Variants in TIAM2 observed in about 807,000 individuals in gnomAD.
TIAM2 encodes rho guanine nucleotide exchange factor TIAM2.
A neutral mutation model predicts 152.9 loss-of-function variants in TIAM2; 80 were observed. The observed-to-expected ratio is 0.52, with a 90% CI of 0.44 to 0.63. The LOEUF (loss-of-function observed/expected upper bound fraction) is 0.63. Ranked by LOEUF, TIAM2 falls within the 30% of genes least tolerant of loss-of-function variation. TIAM2 has a pLI of 0.00. For missense variants in TIAM2, 1,965 were observed against 2,120.1 expected (o/e 0.93, Z 1.44); for synonymous variants, 804 against 838.0 (o/e 0.96, Z 0.70).
At chr6:155,031,429 A>G (rs1776818378) in intron 1 of TIAM2, among the ~76,000 whole-genome samples, 1 of 152,156 alleles carries the variant, frequency 6.6e-6, no homozygotes, top group Non-Finnish European at 1.5e-5. Flanking sequence ...TGTTTTGAAA[A>G]TGAAGAGATG....
At chr6:155,223,449 A>G (rs1302341531) in intron 15 of TIAM2, among the ~76,000 whole-genome samples, 1 of 151,512 alleles carries the variant, frequency 6.6e-6, no homozygotes, top group Non-Finnish European at 1.5e-5. Context: ...CAACCCCTAG[A>G]TGGCAAATAA....
intron 2 of TIAM2, among the ~76,000 whole-genome samples, chr6:155,115,270 C>T (rs1465893159): frequency 6.6e-6 from 1 of 151,862 alleles, no homozygotes. Flanking sequence ...CTGTATTGCC[C>T]AGGCTGGTCT....
intron 5 of TIAM2, among the ~76,000 whole-genome samples, chr6:155,142,416 T>A (rs1189530098): frequency 6.6e-6 from 1 of 152,220 alleles, no homozygotes; most frequent in African/African-American, 2.4e-5. Flanking sequence ...AGGTTTGCAT[T>A]CATTTCCTCT....
chr6:155,048,738 A>C (rs1453309689), intron 1 of TIAM2, among the ~76,000 whole-genome samples: 1 of 152,144 alleles, frequency 6.6e-6, no homozygotes, highest in African/African-American at 2.4e-5. Context: ...ATGGTGCAAC[A>C]AAGAAACAAA....
At chr6:155,221,788 T>C (rs116203189) in intron 15 of TIAM2, among the ~76,000 whole-genome samples, 1,729 of 152,212 alleles carry the variant, frequency 0.011, 33 homozygotes, top group African/African-American at 0.039. Flanking sequence ...TTTCCAGATC[T>C]TTATTTCCTT....
intron 1 of TIAM2, among the ~76,000 whole-genome samples, chr6:155,049,802 T>C (rs1371545341): frequency 6.6e-6 from 1 of 152,150 alleles, no homozygotes; most frequent in African/African-American, 2.4e-5. Context: ...GTATCTTTTT[T>C]TTTTCCAGAA....
intron 1 of TIAM2, among the ~76,000 whole-genome samples, chr6:155,014,451 T>G (rs1389629032): frequency 6.6e-6 from 1 of 152,220 alleles, no homozygotes; most frequent in African/African-American, 2.4e-5. Flanking sequence ...CGTAGTGCTT[T>G]TTTTTCTATT....
chr6:155,140,601 A>AGAGAGAGAGAGAGAGAGG (rs1184367569), intron 5 of TIAM2, among the ~76,000 whole-genome samples: 15 of 151,140 alleles, frequency 9.9e-5, no homozygotes, highest in Non-Finnish European at 8.8e-5. Flanking sequence ...AGAGAGAGAG[A>AGAGAGAGAGAGAGAGAGG]GAGAGAGAGA....
chr6:155,023,518 C>T (rs957908823), intron 1 of TIAM2, among the ~76,000 whole-genome samples: 4 of 152,084 alleles, frequency 2.6e-5, no homozygotes, highest in African/African-American at 9.7e-5. Context: ...CATGTCTGTG[C>T]GTTTGCTCTT....
chr6:155,206,711 T>TCTG (rs1474390838), intron 14 of TIAM2, among the ~76,000 whole-genome samples: 1 of 152,236 alleles, frequency 6.6e-6, no homozygotes, highest in Non-Finnish European at 1.5e-5. Context: ...ACATTGCAGC[T>TCTG]CTGCTGGCTC....
intron 14 of TIAM2, among the ~76,000 whole-genome samples, chr6:155,207,764 T>C (rs1316938154): frequency 1.3e-5 from 2 of 152,206 alleles, no homozygotes; most frequent in African/African-American, 4.8e-5. Context: ...CAGTATTCTC[T>C]TACCAGGTAC....
chr6:155,125,939 A>G (rs903373280), intron 2 of TIAM2, among the ~76,000 whole-genome samples: 3 of 152,236 alleles, frequency 2.0e-5, no homozygotes, highest in Admixed American at 2.0e-4. Context: ...TAAAAATAGA[A>G]TAACCTAATG....
rs545597464 is a variant in TIAM2, at chr6:155,169,088, C to T, written c.2361+3679C>T. Reference sequence around the variant, plus strand: ...TTGGCTCACTGCAAGCTTCGCCTCCCGGGTTCATGCCATTCTCCTGCCTCA... The same window carrying T: ...TTGGCTCACTGCAAGCTTCGCCTCCTGGGTTCATGCCATTCTCCTGCCTCA... On this transcript the variant is annotated intron_variant, in intron 9 of 26. Coordinates refer to ENST00000682666, the MANE Select transcript of TIAM2 (RefSeq NM_012454.4). 1.1e-4 allele frequency among the ~76,000 whole-genome samples: 17 copies of T among 152,264 alleles called. No individual in the cohort carries two copies. In the South Asian group the frequency reaches 1.5e-3, roughly 13 times the overall value.
intron 1 of TIAM2, among the ~76,000 whole-genome samples, chr6:155,052,581 C>G (rs769460022): frequency 6.6e-6 from 1 of 151,976 alleles, no homozygotes; most frequent in Non-Finnish European, 1.5e-5. Context: ...GCCTGGCCAA[C>G]ATGGTGAAAC....
intron 1 of TIAM2, among the ~76,000 whole-genome samples, chr6:155,080,841 C>T (rs1327099878): frequency 6.6e-6 from 1 of 152,166 alleles, no homozygotes; most frequent in South Asian, 2.1e-4. Context: ...TGCTTCCCAT[C>T]CTGACCAACA....
rs769760763 is a variant in TIAM2, at chr6:155,256,556, C to T, written c.4541C>T (p.Thr1514Ile). ...TGGACCGGTGAGACTGGCAAGGGAA[C>T]CTTGCTGGACTCTGACGAGGGCAGC... is the stretch of plus-strand genomic sequence containing the variant. Reference protein sequence around the residue: ...NEWTGETGKGTLLDSDEGSLS... With the variant: ...NEWTGETGKGILLDSDEGSLS... The change falls in exon 27 of 27, where the codon ACC becomes ATC. Residue 1514 changes from threonine (T) to isoleucine (I), a missense_variant. Thr to Ile is a moderately conservative substitution (Grantham distance 89). Transcript: ENST00000682666. The T allele has an allele frequency of 2.5e-6, 4 of 1,614,084 alleles. No individual in the cohort carries two copies. The highest frequency in any genetic ancestry group is 2.5e-6 in the Non-Finnish European group (3 of 1,180,046).
At chr6:155,021,316 C>T (rs1776480360) in intron 1 of TIAM2, among the ~76,000 whole-genome samples, 1 of 152,118 alleles carries the variant, frequency 6.6e-6, no homozygotes, top group Non-Finnish European at 1.5e-5. Flanking sequence ...GGCTGGAGTG[C>T]AATGGTACGA....
intron 1 of TIAM2, among the ~76,000 whole-genome samples, chr6:155,067,844 G>T (rs999199578): frequency 2.6e-5 from 4 of 152,022 alleles, no homozygotes; most frequent in African/African-American, 9.7e-5. Flanking sequence ...CTTTTCCCAT[G>T]TTGCCTGGGC....
At position 155,256,729 on chromosome 6, in the gene TIAM2, G is replaced by T. The variant is rs997617223; in HGVS notation, c.4714G>T (p.Asp1572Tyr). The change falls in exon 27 of 27, where the codon GAT becomes TAT. Residue 1572 changes from aspartate to tyrosine, a missense_variant. By Grantham distance (160) the Asp-to-Tyr change is radical. Around this residue, in one of 3 missense-constraint regions of TIAM2, gnomAD observed 935 missense variants for 980.0 expected, o/e 0.95. Coordinates refer to ENST00000682666, the MANE Select transcript of TIAM2 (RefSeq NM_012454.4). ...IKESDILSDEDDDHRQTVKQG... is the reference protein window; with the variant it reads ...IKESDILSDEYDDHRQTVKQG... The stretch of plus-strand genomic sequence containing the variant: ...AGAGAGTGACATCCTGAGCGATGAA[G>T]ATGATGACCACCGTCAGACTGTGAA... 1.2e-6 allele frequency: 2 copies of T among 1,614,202 alleles called. No individual in the cohort carries two copies. Among genetic ancestry groups the T allele is most frequent in the African/African-American group, 1.3e-5 (1 of 75,038 alleles).
Sources: allele counts gnomAD v4.1 joint callset (sites outside exome capture counted in the v4.1 genomes callset), GRCh38; gene constraint gnomAD v4.1.1; regional missense constraint gnomAD v4.1.1; transcripts MANE v1.5; gene names NCBI Gene and HGNC (gene_info 2026-07-23, HGNC 2026-07-21).